The following PIRT variants were observed in gnomAD, a reference collection of about 807,000 sequenced individuals.
PIRT encodes phosphoinositide interacting regulator of transient receptor potential channels.
A neutral mutation model predicts 7.9 loss-of-function variants in PIRT; 6 were observed. That is an observed-to-expected ratio of 0.76 (90% confidence interval 0.42 to 1.51). The LOEUF is 1.51. PIRT is among the 40% of genes most tolerant of loss of function. PIRT has a pLI of 0.01. For missense variants in PIRT, 170 were observed against 172.9 expected, an observed-to-expected ratio of 0.98 and a Z score of 0.09; for synonymous variants, 78 against 71.8, an observed-to-expected ratio of 1.09 and a Z score of -0.44.
rs1162150621 is a variant in PIRT, at chr17:10,823,664, C to T, written c.*1568G>A. The T allele has an allele frequency of 6.6e-6, 1 of 152,252 alleles. No individual in the cohort carries two copies. The allele number at this position is 152,252 out of a possible 1,614,324, so 9.4% of individuals were successfully genotyped here. On this transcript the variant is annotated 3_prime_UTR_variant, in exon 2 of 2. Transcript: ENST00000580256. ...CCTAGGGCAGCGTGGCTGGCTCCCT[C>T]ACAGGTACTGCTTCTGTTCTTTCAC...
At chr17:10,828,702 C>T (rs1182397066) in intron 1 of PIRT, among the ~76,000 whole-genome samples, 3 of 152,224 alleles carry the variant, frequency 2.0e-5, no homozygotes, top group African/African-American at 4.8e-5. Flanking sequence ...ATCCTTCCGA[C>T]GACGTCAATT....
intron 1 of PIRT, among the ~76,000 whole-genome samples, chr17:10,826,749 G>A (rs767987537): frequency 7.2e-5 from 11 of 152,280 alleles, no homozygotes; most frequent in East Asian, 1.9e-4. Context: ...ACACCGTTTC[G>A]TGCAGCCTGG....
chr17:10,828,809 C>G (rs1905394194), intron 1 of PIRT, among the ~76,000 whole-genome samples: 1 of 152,206 alleles, frequency 6.6e-6, no homozygotes, highest in Non-Finnish European at 1.5e-5. Flanking sequence ...AATAATGATT[C>G]CATTCTCTAG....
chr17:10,826,870 T>A (rs976032864), intron 1 of PIRT, among the ~76,000 whole-genome samples: 1 of 151,980 alleles, frequency 6.6e-6, no homozygotes, highest in African/African-American at 2.4e-5. Flanking sequence ...AGGAGTGCAA[T>A]GGCGTGATCT....
In PIRT at chr17:10,832,229, G is replaced by T. The variant is rs550991747; in HGVS notation, c.-139+5716C>A. Among the ~76,000 whole-genome samples the T allele has an allele frequency of 1.1e-4, 17 of 151,584 alleles. No homozygotes were observed. In the South Asian group the frequency reaches 3.6e-3, roughly 32 times the overall value. ...TTTTTTGAGTCGGAGTTTTGCTCTT[G>T]TTGCCCAGGCTGGAGTGCAATGGCA... On this transcript the variant is annotated intron_variant, in intron 1 of 1. Transcript: ENST00000580256.
rs1186908855 is a variant in PIRT, at chr17:10,825,682, T to C, written c.-37A>G. 2 of 1,449,420 alleles carry C rather than the reference T, an allele frequency of 1.4e-6. No individual in the cohort carries two copies. Among genetic ancestry groups the C allele is most frequent in the Admixed American group, 2.8e-5 (1 of 35,230 alleles). 89.8% of individuals were successfully genotyped at this position (1,449,420 alleles called of 1,614,324 possible). ...ACTGGGCGCCTAGGACCAGCAATAG[T>C]TGGAAACAAGAGTGGAGCCAAAGGA... On this transcript the variant is annotated 5_prime_UTR_variant, in exon 2 of 2. Transcript: ENST00000580256.
chr17:10,833,463 T>A (rs1185557106), intron 1 of PIRT, among the ~76,000 whole-genome samples: 1 of 152,158 alleles, frequency 6.6e-6, no homozygotes, highest in African/African-American at 2.4e-5. Flanking sequence ...AAAATATGTA[T>A]CTGGGCTGTG....
At chr17:10,831,922 G>A (rs891507564) in intron 1 of PIRT, among the ~76,000 whole-genome samples, 1 of 152,174 alleles carries the variant, frequency 6.6e-6, no homozygotes. Context: ...AGGCCAGTTT[G>A]GAGCTTCAGA....
At position 10,823,317 on chromosome 17, in the gene PIRT, A is replaced by G. The variant is rs73974871; in HGVS notation, c.*1915T>C. 1.3e-5 allele frequency: 2 copies of G among 152,256 alleles called. No homozygotes were observed. Among genetic ancestry groups the G allele is most frequent in the East Asian group, 1.9e-4 (1 of 5,192 alleles). The allele number at this position is 152,256 out of a possible 1,614,324, so 9.4% of individuals were successfully genotyped here. A position where few individuals can be genotyped will look rare whatever the true frequency, so the allele number is the denominator to read the frequency against. On this transcript the variant is annotated 3_prime_UTR_variant, in exon 2 of 2. Transcript: ENST00000580256. ...CATGGCCACACTGGCATGGGTCTCC[A>G]TGAAGGCTATGGCCATCCTGGGTGA...
At chr17:10,827,491 T>TTTTTTTTTTG (rs1905360274) in intron 1 of PIRT, among the ~76,000 whole-genome samples, 1 of 132,420 alleles carries the variant, frequency 7.6e-6, no homozygotes, top group Non-Finnish European at 1.6e-5. Context: ...TTTTTTTTTT[T>TTTTTTTTTTG]GAAGTGGAGT....
rs562547937 is a variant in PIRT, at chr17:10,832,247, C to G, written c.-139+5698G>C. 3.3e-5 allele frequency among the ~76,000 whole-genome samples: 5 copies of G among 152,022 alleles called. No homozygotes were observed. In the East Asian group the frequency reaches 7.7e-4, roughly 24 times the overall value. On this transcript the variant is annotated intron_variant, in intron 1 of 1. Coordinates refer to ENST00000580256, the MANE Select transcript of PIRT (RefSeq NM_001101387.2). ...TGCTCTTGTTGCCCAGGCTGGAGTG[C>G]AATGGCACGATCTCGGCTCACCGCA... is the stretch of plus-strand genomic sequence containing the variant.
chr17:10,825,890 A>G (rs1267026980), intron 1 of PIRT, 107 bp from the exon 2 acceptor site: 4 of 352,258 alleles, frequency 1.1e-5, no homozygotes, highest in Non-Finnish European at 2.0e-5. Flanking sequence ...CATTTTATTC[A>G]ATAGCTTTTA....
intron 1 of PIRT, among the ~76,000 whole-genome samples, chr17:10,830,031 G>C (rs982558692): frequency 6.6e-6 from 1 of 151,688 alleles, no homozygotes; most frequent in Non-Finnish European, 1.5e-5. Flanking sequence ...TATCTGCAAT[G>C]GTCCATGAAA....
rs1379433177 is a variant in PIRT at position 10,824,621 on chromosome 17, G to C, written c.*611C>G. Reference sequence around the variant, plus strand: ...AACTTCTTCAGCTGACTAACCCCTAGAGTCATGTTGTCATGTCCAGGGGCA... The same window carrying C: ...AACTTCTTCAGCTGACTAACCCCTACAGTCATGTTGTCATGTCCAGGGGCA... On this transcript the variant is annotated 3_prime_UTR_variant, in exon 2 of 2. Coordinates refer to ENST00000580256, the MANE Select transcript of PIRT (RefSeq NM_001101387.2). 1.3e-5 allele frequency: 2 copies of C among 152,766 alleles called. No individual in the cohort carries two copies. Among genetic ancestry groups the C allele is most frequent in the East Asian group, 1.9e-4 (1 of 5,194 alleles). The allele number at this position is 152,766 out of a possible 1,614,324, so 9.5% of individuals were successfully genotyped here.
intron 1 of PIRT, among the ~76,000 whole-genome samples, chr17:10,830,703 G>C (rs1326221498): frequency 1.3e-5 from 2 of 152,062 alleles, no homozygotes; most frequent in African/African-American, 4.8e-5. Flanking sequence ...TGAAAATTGA[G>C]GTTTTCAGAA....
chr17:10,832,672 G>A (rs572961399), intron 1 of PIRT, among the ~76,000 whole-genome samples: 1 of 152,340 alleles, frequency 6.6e-6, no homozygotes, highest in African/African-American at 2.4e-5. Flanking sequence ...ATTAGAACAA[G>A]CCAATTGTAC....
intron 1 of PIRT, among the ~76,000 whole-genome samples, chr17:10,830,224 G>A (rs1822101339): frequency 6.6e-6 from 1 of 152,162 alleles, no homozygotes; most frequent in African/African-American, 2.4e-5. Context: ...CAGGCAAAAG[G>A]CAAGGAGCAT....
chr17:10,829,977 A>G (rs767268238), intron 1 of PIRT, among the ~76,000 whole-genome samples: 1 of 111,614 alleles, frequency 9.0e-6, no homozygotes, highest in Non-Finnish European at 1.9e-5. Context: ...CTATCTATCT[A>G]TCTATCTATC....
At chr17:10,830,903 G>A (rs1052636009) in intron 1 of PIRT, among the ~76,000 whole-genome samples, 3 of 152,100 alleles carry the variant, frequency 2.0e-5, no homozygotes, top group Non-Finnish European at 2.9e-5. Context: ...AACATTCCTG[G>A]TCTCTACCCA....
Sources: gnomAD v4.1 joint callset for allele counts (sites outside exome capture counted in the v4.1 genomes callset) on GRCh38, gnomAD v4.1.1 for gene constraint, MANE v1.5 for transcripts, NCBI Gene and HGNC (gene_info 2026-07-23, HGNC 2026-07-21) for gene names.